The following MIA2 variants were observed in gnomAD, a reference collection of about 807,000 sequenced individuals.
The protein encoded by MIA2 is melanoma inhibitory activity protein 2.
A neutral mutation model predicts 167.8 loss-of-function variants in MIA2; 127 were observed. That is an observed-to-expected ratio of 0.76 (90% confidence interval 0.66 to 0.88). The LOEUF is 0.88. MIA2 is among the 40% of genes least tolerant of loss of function. The pLI is 0.00. For synonymous variants in MIA2, 552 were observed against 541.9 expected (o/e 1.02, Z -0.26); for missense variants, 1,690 against 1,624.7 (o/e 1.04, Z -0.69).
At chr14:39,348,095 G>T (rs1238952201) in intron 27 of MIA2, among the ~76,000 whole-genome samples, 1 of 152,206 alleles carries the variant, frequency 6.6e-6, no homozygotes, top group Non-Finnish European at 1.5e-5. Flanking sequence ...TTACAGGTGT[G>T]AGCTGCTGCG....
In MIA2 at chr14:39,308,420, TTTAA is replaced by T. The variant is rs201041781; in HGVS notation, c.2879-25_2879-22del. On this transcript the variant is annotated intron_variant, in intron 17 of 28. Coordinates refer to ENST00000640607, the MANE Select transcript of MIA2 (RefSeq NM_001329214.4). Reference sequence around the variant, plus strand: ...AATATGCAACTCAAAATGTTTCTCCTTTAATTATGACTTAAAATTTTTATATAGA... The same window carrying T: ...AATATGCAACTCAAAATGTTTCTCCTTTATGACTTAAAATTTTTATATAGA... 4.7e-4 allele frequency: 651 copies of T among 1,375,468 alleles called. No individual in the cohort carries two copies. The African/African-American group carries it at 7.8e-3, about 17-fold the overall frequency. 85.2% of individuals were successfully genotyped at this position (1,375,468 alleles called of 1,614,324 possible). A position where few individuals can be genotyped will look rare whatever the true frequency, so the allele number is the denominator to read the frequency against.
intron 9 of MIA2, among the ~76,000 whole-genome samples, chr14:39,285,804 A>C (rs2152792595): frequency 6.9e-6 from 1 of 145,490 alleles, no homozygotes; most frequent in South Asian, 2.2e-4. Context: ...CACTTCTCAG[A>C]TGGGGCGGCC....
intron 26 of MIA2, among the ~76,000 whole-genome samples, chr14:39,346,719 C>G (rs939786403): frequency 2.5e-4 from 37 of 148,714 alleles, no homozygotes; most frequent in Admixed American, 2.2e-3. Context: ...TATTGATTTT[C>G]TGACATAGTA....
intron 6 of MIA2, among the ~76,000 whole-genome samples, chr14:39,260,590 G>A (rs1433956471): frequency 6.6e-6 from 1 of 152,144 alleles, no homozygotes; most frequent in East Asian, 1.9e-4. Flanking sequence ...TAAGTTCTTT[G>A]CAGATTCTGG....
chr14:39,235,613 AC>A (rs1308600068), intron 1 of MIA2, among the ~76,000 whole-genome samples: 1 of 152,014 alleles, frequency 6.6e-6, no homozygotes, highest in African/African-American at 2.4e-5. Context: ...CCTCATCTCT[AC>A]AAAAAATCAA....
chr14:39,274,093 A>G (rs2057573191), intron 6 of MIA2, among the ~76,000 whole-genome samples: 2 of 152,296 alleles, frequency 1.3e-5, no homozygotes, highest in South Asian at 2.1e-4. Flanking sequence ...TTTTAAAGCT[A>G]CTTGATCTTG....
At chr14:39,275,014 G>A (rs1257379275) in intron 6 of MIA2, among the ~76,000 whole-genome samples, 3 of 149,232 alleles carry the variant, frequency 2.0e-5, no homozygotes, top group East Asian at 2.0e-4. Flanking sequence ...GACGGAGGTT[G>A]CAGTAAGCCT....
chr14:39,246,082 TTTTA>T (rs71130832), intron 3 of MIA2, among the ~76,000 whole-genome samples: 14 of 143,368 alleles, frequency 9.8e-5, no homozygotes, highest in South Asian at 4.4e-4. Context: ...TTTTAAAAAT[TTTTA>T]TTTATTTATT....
intron 25 of MIA2, among the ~76,000 whole-genome samples, chr14:39,341,039 C>G (rs866523334): frequency 2.6e-5 from 4 of 152,032 alleles, no homozygotes; most frequent in African/African-American, 9.7e-5. Context: ...TGGTGGCTTA[C>G]GCTTGTAATT....
At chr14:39,320,549 C>T (rs971296721) in intron 23 of MIA2, among the ~76,000 whole-genome samples, 9 of 152,084 alleles carry the variant, frequency 5.9e-5, no homozygotes, top group African/African-American at 1.4e-4. Flanking sequence ...TTGCAACTCT[C>T]ACCAGCTGAA....
intron 23 of MIA2, among the ~76,000 whole-genome samples, chr14:39,380,318 T>C (rs1432013312): frequency 6.6e-6 from 1 of 152,064 alleles, no homozygotes. Context: ...ATTTTGTATA[T>C]TAAAGGAACA....
chr14:39,315,929 C>T (rs1467949288), intron 21 of MIA2, among the ~76,000 whole-genome samples: 6 of 152,080 alleles, frequency 3.9e-5, no homozygotes, highest in Non-Finnish European at 8.8e-5. Context: ...TTGCTTTTAT[C>T]ACATTGCTTC....
At chr14:39,264,180 A>G (rs1398165181) in intron 6 of MIA2, among the ~76,000 whole-genome samples, 1 of 152,156 alleles carries the variant, frequency 6.6e-6, no homozygotes, top group Non-Finnish European at 1.5e-5. Flanking sequence ...GCTGCCACTT[A>G]TAAGTGAGAA....
intron 23 of MIA2, among the ~76,000 whole-genome samples, chr14:39,361,645 A>G (rs2074685506): frequency 6.6e-6 from 1 of 152,004 alleles, no homozygotes. Flanking sequence ...TCACCATGTT[A>G]GTCAGGCTGA....
In MIA2 at chr14:39,294,045, A is replaced by C; in HGVS notation, c.2365A>C (p.Lys789Gln). The C allele has an allele frequency of 1.2e-6, 2 of 1,611,794 alleles. No individual in the cohort carries two copies. Among genetic ancestry groups the C allele is most frequent in the South Asian group, 1.1e-5 (1 of 90,772 alleles). The change falls in exon 12 of 29, where the codon AAA becomes CAA. Residue 789 changes from lysine (K) to glutamine (Q), a missense_variant. Lys to Gln is a moderately conservative substitution (Grantham distance 53, BLOSUM62 1). Transcript: ENST00000640607. ...GATACAGTCTCTAGAAGATGAGTCAAAATCCCTCAAATCACAAGTAGCTGA... is the reference window on the plus strand; with the variant it reads ...GATACAGTCTCTAGAAGATGAGTCACAATCCCTCAAATCACAAGTAGCTGA... ...KRIQSLEDES[K>Q]SLKSQVAEAK...
At chr14:39,252,644 T>A (rs2054631096) in intron 4 of MIA2, 104 bp from the exon 5 acceptor site, 3 of 737,474 alleles carry the variant, frequency 4.1e-6, no homozygotes, top group Admixed American at 5.2e-5. Context: ...AGTATCATAA[T>A]GACCTACAAA....
intron 27 of MIA2, among the ~76,000 whole-genome samples, chr14:39,348,002 G>A (rs111376637): frequency 0.019 from 2,930 of 151,898 alleles, 107 homozygotes; most frequent in African/African-American, 0.068. Flanking sequence ...TAGTAGAGAC[G>A]GAGTTTCACC....
intron 6 of MIA2, among the ~76,000 whole-genome samples, chr14:39,264,035 A>G (rs1265627136): frequency 2.0e-5 from 3 of 152,094 alleles, no homozygotes; most frequent in East Asian, 1.9e-4. Flanking sequence ...TTGGGCTTCT[A>G]TTGATTCTGT....
At chr14:39,269,034 A>G (rs1318353687) in intron 6 of MIA2, 1 of 946,776 alleles carries the variant, frequency 1.1e-6, no homozygotes, top group African/African-American at 1.9e-5. Context: ...CAGATTTTGC[A>G]GTTTTCTCTA....
Sources: gnomAD v4.1 joint callset for allele counts (sites outside exome capture counted in the v4.1 genomes callset) on GRCh38, gnomAD v4.1.1 for gene constraint, MANE v1.5 for transcripts, NCBI Gene and HGNC (gene_info 2026-07-23, HGNC 2026-07-21) for gene names.